The following CACNA1E variants were observed in gnomAD, a reference collection of about 807,000 sequenced individuals.
CACNA1E encodes the protein calcium voltage-gated channel subunit alpha1 E.
CACNA1E carries 40 observed loss-of-function variants against 259.2 expected under a neutral mutation model. The observed-to-expected ratio is 0.15, with a 90% CI of 0.12 to 0.20. The LOEUF (loss-of-function observed/expected upper bound fraction) is 0.20. CACNA1E is among the 10% of genes least tolerant of loss of function. The pLI is 1.00. For synonymous variants in CACNA1E, 1,104 were observed against 1,138.5 expected (o/e 0.97, Z 0.61); for missense variants, 1,874 against 3,040.1 (o/e 0.62, Z 9.02).
At chr1:181,612,167 G>T (rs1476600296) in intron 6 of CACNA1E, among the ~76,000 whole-genome samples, 2 of 152,138 alleles carry the variant, frequency 1.3e-5, no homozygotes, top group African/African-American at 2.4e-5. Flanking sequence ...GAAAGAATAG[G>T]TAGGACCCAT....
chr1:181,471,684 G>A (rs1210437748), intron 2 of CACNA1E, among the ~76,000 whole-genome samples: 2 of 152,124 alleles, frequency 1.3e-5, no homozygotes, highest in Non-Finnish European at 2.9e-5. Flanking sequence ...TGCGGCTCTT[G>A]GGGAAATAAA....
At chr1:181,642,860 C>T (rs1042899619) in intron 6 of CACNA1E, among the ~76,000 whole-genome samples, 1 of 152,232 alleles carries the variant, frequency 6.6e-6, no homozygotes, top group Admixed American at 6.5e-5. Flanking sequence ...GCACCCTGGG[C>T]TGCAGTTGCA....
chr1:181,404,324 C>T (rs1657315505), intron 1 of CACNA1E, among the ~76,000 whole-genome samples: 1 of 152,172 alleles, frequency 6.6e-6, no homozygotes, highest in African/African-American at 2.4e-5. Flanking sequence ...TGCCTTGTGT[C>T]TTATTGCAGA....
chr1:181,718,317 C>G (rs999171676), intron 12 of CACNA1E, 150 bp downstream of exon 12: 1 of 569,692 alleles, frequency 1.8e-6, no homozygotes, highest in Admixed American at 3.3e-5. Flanking sequence ...AATTCAGAAG[C>G]GAGTGAATCC....
chr1:181,616,224 A>G (rs1402849291), intron 6 of CACNA1E, among the ~76,000 whole-genome samples: 2 of 152,166 alleles, frequency 1.3e-5, no homozygotes, highest in Non-Finnish European at 2.9e-5. Context: ...AACAAGCTAG[A>G]TATGCTGTCT....
intron 3 of CACNA1E, among the ~76,000 whole-genome samples, chr1:181,525,559 A>G (rs551541489): frequency 1.3e-5 from 2 of 152,330 alleles, no homozygotes; most frequent in South Asian, 4.1e-4. Context: ...GGATATCACT[A>G]CTGGTTAACA....
At chr1:181,499,175 G>C (rs2102554055) in intron 1 of CACNA1E, among the ~76,000 whole-genome samples, 1 of 152,274 alleles carries the variant, frequency 6.6e-6, no homozygotes, top group East Asian at 1.9e-4. Flanking sequence ...GAGAATAGAT[G>C]GATGCTTAGG....
intron 7 of CACNA1E, among the ~76,000 whole-genome samples, chr1:181,674,470 C>T (rs1181035716): frequency 6.7e-6 from 1 of 148,258 alleles, no homozygotes; most frequent in Admixed American, 6.7e-5. Context: ...TCTGATGTCA[C>T]AGAGTTTAAT....
At chr1:181,688,560 A>G (rs1327824440) in intron 7 of CACNA1E, among the ~76,000 whole-genome samples, 1 of 152,216 alleles carries the variant, frequency 6.6e-6, no homozygotes, top group Non-Finnish European at 1.5e-5. Context: ...CATATTTACA[A>G]GGTACAAAGT....
At chr1:181,681,733 G>T (rs954608780) in intron 7 of CACNA1E, among the ~76,000 whole-genome samples, 16 of 152,302 alleles carry the variant, frequency 1.1e-4, no homozygotes, top group Admixed American at 9.2e-4. Context: ...CCACCTACCA[G>T]CTGTGAGTAA....
chr1:181,706,313 G>A (rs1484434394), intron 7 of CACNA1E, among the ~76,000 whole-genome samples: 1 of 152,106 alleles, frequency 6.6e-6, no homozygotes, highest in Non-Finnish European at 1.5e-5. Context: ...GATCCTCTGT[G>A]AAGAGGACAG....
At chr1:181,703,771 G>GA (rs1330921657) in intron 7 of CACNA1E, among the ~76,000 whole-genome samples, 1 of 150,198 alleles carries the variant, frequency 6.7e-6, no homozygotes, top group African/African-American at 2.4e-5. Flanking sequence ...CAAGTCATCT[G>GA]ACCTCTCTCT....
intron 39 of CACNA1E, 27 bp from the exon 40 acceptor site, chr1:181,783,652 G>C: frequency 1.7e-6 from 2 of 1,199,978 alleles, no homozygotes; most frequent in South Asian, 3.0e-5. Flanking sequence ...TTTTTTGCCT[G>C]CTGTTTCTTT....
intron 3 of CACNA1E, among the ~76,000 whole-genome samples, chr1:181,535,056 T>C (rs4573484): frequency 0.42 from 63,175 of 151,966 alleles, 13,934 homozygotes; most frequent in East Asian, 0.5. Flanking sequence ...CAATAGTGAC[T>C]ATTTCACTGT....
chr1:181,320,677 T>C (rs1650269236), intron 1 of CACNA1E, among the ~76,000 whole-genome samples: 1 of 152,178 alleles, frequency 6.6e-6, no homozygotes, highest in South Asian at 2.1e-4. Context: ...TGACCCTTTG[T>C]GCTGAAGTTG....
At chr1:181,659,863 C>A (rs1647446946) in intron 7 of CACNA1E, among the ~76,000 whole-genome samples, 1 of 152,166 alleles carries the variant, frequency 6.6e-6, no homozygotes, top group Admixed American at 6.5e-5. Flanking sequence ...AATTTCTCAA[C>A]TTCTAGTTAG....
chr1:181,679,759 G>A (rs116557164), intron 7 of CACNA1E, among the ~76,000 whole-genome samples: 3 of 152,218 alleles, frequency 2.0e-5, no homozygotes, highest in African/African-American at 7.2e-5. Flanking sequence ...GGGCAGGCAG[G>A]CAACCTGTTA....
chr1:181,705,251 C>A, intron 7 of CACNA1E, among the ~76,000 whole-genome samples: 1 of 152,188 alleles, frequency 6.6e-6, no homozygotes, highest in East Asian at 1.9e-4. Context: ...TCCAGGCACA[C>A]ATGATAAATG....
At chr1:181,737,733 A>T (rs548674749) in intron 23 of CACNA1E, 79 bp downstream of exon 23, 2 of 1,540,514 alleles carry the variant, frequency 1.3e-6, no homozygotes, top group East Asian at 2.3e-5. Context: ...GTGAACCGAG[A>T]TGGTAGCAAG....
Sources: gnomAD v4.1 joint callset for allele counts (sites outside exome capture counted in the v4.1 genomes callset) on GRCh38, gnomAD v4.1.1 for gene constraint, MANE v1.5 for transcripts, NCBI Gene and HGNC (gene_info 2026-07-23, HGNC 2026-07-21) for gene names.